The following ARNT2 variants were observed in gnomAD, a reference collection of about 807,000 sequenced individuals.
The protein encoded by ARNT2 is aryl hydrocarbon receptor nuclear translocator 2.
A neutral mutation model predicts 91.7 loss-of-function variants in ARNT2; 36 were observed. That is an observed-to-expected ratio of 0.39 (90% CI 0.30 to 0.52). The LOEUF is 0.52. Among genes scored for constraint, ARNT2 ranks in the 20% least tolerant of loss-of-function variants. The probability of loss-of-function intolerance (pLI) is 0.72; values close to 1 mark genes in which losing one functional copy is unlikely to be tolerated. For missense variants in ARNT2, 775 were observed against 939.3 expected (o/e 0.83, Z 2.29); for synonymous variants, 365 against 347.1 (o/e 1.05, Z -0.57).
chr15:80,487,204 G>T (rs867744402), intron 5 of ARNT2, among the ~76,000 whole-genome samples: 1 of 152,068 alleles, frequency 6.6e-6, no homozygotes, highest in Non-Finnish European at 1.5e-5. Context: ...ATCTCTCTTC[G>T]CCTGCCTTTG....
chr15:80,470,531 G>A (rs1896718738), intron 4 of ARNT2, 100 bp downstream of exon 4: 2 of 1,289,650 alleles, frequency 1.6e-6, no homozygotes, highest in South Asian at 2.9e-5. Flanking sequence ...GGTTGAGGAA[G>A]GAATGAAGCC....
intron 1 of ARNT2, chr15:80,444,895 TG>T (rs1336295178): frequency 1.4e-5 from 2 of 146,208 alleles, no homozygotes; most frequent in Admixed American, 1.4e-4. Flanking sequence ...TGAATGCAAA[TG>T]GTGTGTATGT....
At chr15:80,465,427 C>T (rs1224225670) in intron 3 of ARNT2, among the ~76,000 whole-genome samples, 3 of 152,112 alleles carry the variant, frequency 2.0e-5, no homozygotes, top group Non-Finnish European at 4.4e-5. Context: ...GGGTGTGGAC[C>T]TCAGGAGGTA....
intron 5 of ARNT2, among the ~76,000 whole-genome samples, chr15:80,481,767 T>C (rs981745806): frequency 6.6e-6 from 1 of 152,048 alleles, no homozygotes; most frequent in Non-Finnish European, 1.5e-5. Context: ...CTGTAATGAA[T>C]TCTTTTACTT....
intron 3 of ARNT2, among the ~76,000 whole-genome samples, chr15:80,462,729 T>G (rs1896579619): frequency 2.0e-5 from 3 of 152,286 alleles, no homozygotes; most frequent in Non-Finnish European, 4.4e-5. Flanking sequence ...TGGCTGCTCT[T>G]TGGTGAGATT....
chr15:80,594,017 C>T lies in ARNT2; in HGVS notation c.*319C>T. ...ATAATCTCTTGATAGACAATTTATA[C>T]CCATGAAAGTTCAGCCAATGCCCAG... On this transcript the variant is annotated 3_prime_UTR_variant, in exon 19 of 19. Transcript: ENST00000303329. The T allele has an allele frequency of 3.9e-6, 1 of 253,556 alleles. No individual in the cohort carries two copies. The highest frequency in any genetic ancestry group is 7.5e-6 in the Non-Finnish European group (1 of 132,958). 15.7% of individuals were successfully genotyped at this position (253,556 alleles called of 1,614,324 possible). A position where few individuals can be genotyped will look rare whatever the true frequency, so the allele number is the denominator to read the frequency against.
chr15:80,586,620 C>G (rs916464762), intron 17 of ARNT2, among the ~76,000 whole-genome samples: 2 of 152,064 alleles, frequency 1.3e-5, no homozygotes, highest in African/African-American at 4.8e-5. Context: ...AATCCCAGCC[C>G]TTTGGGAGGC....
Position 80,475,124 on chromosome 15 carries a change from C to A in ARNT2, c.523C>A (p.Gln175Lys). 6.2e-7 allele frequency: 1 copy of A among 1,614,204 alleles called. No homozygotes were observed. The highest frequency in any genetic ancestry group is 1.7e-5 in the Admixed American group (1 of 60,024). ...DSVTPVLNQP[Q>K]SEWFGSTLYE... ...CGTCACCCCTGTTCTGAACCAGCCC[C>A]AGTCAGAGTGGTTTGGGAGCACACT... Residue 175 changes from glutamine (Q) to lysine (K), a missense_variant, in exon 5 of 19, where the codon CAG becomes AAG. Around this residue, in one of 5 missense-constraint regions of ARNT2, gnomAD observed 285 missense variants for 327.2 expected, o/e 0.87. Coordinates refer to ENST00000303329, the MANE Select transcript of ARNT2 (RefSeq NM_014862.4).
chr15:80,475,972 A>G (rs113728811), intron 5 of ARNT2, among the ~76,000 whole-genome samples: 3 of 152,348 alleles, frequency 2.0e-5, no homozygotes, highest in Non-Finnish European at 4.4e-5. Context: ...ATTCAAAACT[A>G]TAGGGCTTAT....
chr15:80,539,461 AAC>A (rs1276705030), intron 8 of ARNT2, among the ~76,000 whole-genome samples: 1 of 152,176 alleles, frequency 6.6e-6, no homozygotes, highest in African/African-American at 2.4e-5. Flanking sequence ...ACATAGATGA[AAC>A]ACACACTTGA....
Position 80,404,605 on chromosome 15 carries a change from G to A in ARNT2, c.31+59G>A. 9.8e-7 allele frequency: 1 copy of A among 1,018,684 alleles called. No homozygotes were observed. Among genetic ancestry groups the A allele is most frequent in the Non-Finnish European group, 1.2e-6 (1 of 851,192 alleles). The allele number at this position is 1,018,684 out of a possible 1,614,324, so 63.1% of individuals were successfully genotyped here. Reference sequence around the variant, plus strand: ...AGCCCGCAGGCCTTGCCCGGGGCCGGAGCGGACCAGGCGCGCCGGGCGCCC... The same window carrying A: ...AGCCCGCAGGCCTTGCCCGGGGCCGAAGCGGACCAGGCGCGCCGGGCGCCC... On this transcript the variant is annotated intron_variant, in intron 1 of 18. Transcript: ENST00000303329. This position sits in a 1 kb window ranked among gnomAD's most constrained non-coding sequence, Gnocchi z 5.5.
chr15:80,462,344 A>G (rs1896571450), intron 3 of ARNT2, among the ~76,000 whole-genome samples: 1 of 152,202 alleles, frequency 6.6e-6, no homozygotes, highest in Non-Finnish European at 1.5e-5. Flanking sequence ...AACAGAGTCA[A>G]AATTATACAC....
At chr15:80,494,706 A>C (rs1897102335) in intron 5 of ARNT2, among the ~76,000 whole-genome samples, 1 of 152,120 alleles carries the variant, frequency 6.6e-6, no homozygotes, top group Non-Finnish European at 1.5e-5. Flanking sequence ...AAAGCTGTGA[A>C]GTTCTCAGGC....
intron 5 of ARNT2, among the ~76,000 whole-genome samples, chr15:80,506,642 C>T (rs560540693): frequency 1.3e-5 from 2 of 152,226 alleles, no homozygotes; most frequent in Admixed American, 6.5e-5. Context: ...CACAGGAGGC[C>T]GATTGAGTTT....
chr15:80,519,275 G>T (rs548361012), intron 8 of ARNT2, among the ~76,000 whole-genome samples: 2 of 152,234 alleles, frequency 1.3e-5, no homozygotes, highest in African/African-American at 4.8e-5. Context: ...GATTTTGAGG[G>T]CTTCGATATT....
chr15:80,541,976 G>A (rs1342529478), intron 8 of ARNT2, among the ~76,000 whole-genome samples: 1 of 152,230 alleles, frequency 6.6e-6, no homozygotes, highest in Non-Finnish European at 1.5e-5. Flanking sequence ...CTGCTCGTCA[G>A]TGTTGGTGTC....
intron 11 of ARNT2, among the ~76,000 whole-genome samples, chr15:80,557,445 G>T (rs1002657851): frequency 6.6e-6 from 1 of 152,170 alleles, no homozygotes; most frequent in African/African-American, 2.4e-5. Context: ...GCCCACTGGG[G>T]TCTACTTGAG....
chr15:80,567,595 G>A (rs1171613787), intron 12 of ARNT2, among the ~76,000 whole-genome samples: 6 of 152,190 alleles, frequency 3.9e-5, no homozygotes, highest in Admixed American at 3.3e-4. Context: ...AGATCCCCCT[G>A]TGAAAACCAG....
At chr15:80,589,136 G>C (rs535259337) in intron 17 of ARNT2, among the ~76,000 whole-genome samples, 1 of 152,310 alleles carries the variant, frequency 6.6e-6, no homozygotes, top group Non-Finnish European at 1.5e-5. Context: ...AGGACCAGGA[G>C]GCACGTGAGA....
Sources: allele counts gnomAD v4.1 joint callset (sites outside exome capture counted in the v4.1 genomes callset), GRCh38; gene constraint gnomAD v4.1.1; regional missense constraint gnomAD v4.1.1; non-coding constraint Gnocchi (gnomAD v3.1); transcripts MANE v1.5; gene names NCBI Gene and HGNC (gene_info 2026-07-23, HGNC 2026-07-21).